The following FRAS1 variants were observed in gnomAD, a reference collection of about 807,000 sequenced individuals.
FRAS1 encodes extracellular matrix organizing protein FRAS1.
Under a neutral mutation model 435.2 loss-of-function variants are expected in FRAS1, and 290 were observed. The observed-to-expected ratio is 0.67, with a 90% CI of 0.61 to 0.73. The LOEUF (loss-of-function observed/expected upper bound fraction) is 0.73, where lower values mean the gene tolerates loss of function less well. FRAS1 is among the 30% of genes least tolerant of loss of function. The pLI is 0.00. For missense variants in FRAS1, 4,860 were observed against 5,001.5 expected (o/e 0.97, Z 0.85); for synonymous variants, 1,800 against 1,851.0 (o/e 0.97, Z 0.71).
At chr4:78,485,605 G>A (rs541882894) in intron 58 of FRAS1, among the ~76,000 whole-genome samples, 18 of 152,202 alleles carry the variant, frequency 1.2e-4, no homozygotes, top group African/African-American at 4.3e-4. Flanking sequence ...TAGTAATAAC[G>A]AACTTTTGTT....
chr4:78,114,580 C>T (rs1302985218), intron 2 of FRAS1, among the ~76,000 whole-genome samples: 1 of 152,086 alleles, frequency 6.6e-6, no homozygotes, highest in East Asian at 1.9e-4. Flanking sequence ...ATTTTATTCT[C>T]TCTGAAGCAA....
chr4:78,421,177 C>T (rs779827388), intron 33 of FRAS1, among the ~76,000 whole-genome samples: 3 of 151,918 alleles, frequency 2.0e-5, no homozygotes, highest in South Asian at 2.1e-4. Context: ...GATGGAGTTT[C>T]GCTCTTGTCA....
intron 69 of FRAS1, among the ~76,000 whole-genome samples, chr4:78,525,951 G>A (rs1438709135): frequency 6.6e-6 from 1 of 152,218 alleles, no homozygotes; most frequent in East Asian, 1.9e-4. Context: ...ATAAAGGGAT[G>A]AGGCTATGGA....
Position 78,058,048 on chromosome 4 carries a change from G to T in FRAS1, c.39G>T (p.Ala13=), listed in dbSNP as rs773457837. The part of the protein sequence containing the change: ...VLKVWLGLAL[A]LAEFAVLPHH... ...AAGTGTGGCTCGGGCTGGCCCTAGC[G>T]TTGGCGGAATTTGCAGTATTGCCTC... The change falls in exon 1 of 74, where the codon GCG becomes GCT. Residue 13 remains alanine, a synonymous_variant. Transcript: ENST00000512123. The T allele has an allele frequency of 6.2e-7, 1 of 1,613,974 alleles. No homozygotes were observed. The highest frequency in any genetic ancestry group is 8.5e-7 in the Non-Finnish European group (1 of 1,179,880).
chr4:78,058,103 C>CGTGTGTGTGT lies in FRAS1; in HGVS notation c.76+26_76+35dup, dbSNP rs71214392. The CGTGTGTGTGT allele has an allele frequency of 1.4e-5, 22 of 1,529,138 alleles. No individual in the cohort carries two copies. The African/African-American group carries it at 2.1e-4, about 14-fold the overall frequency. 94.7% of individuals were successfully genotyped at this position (1,529,138 alleles called of 1,614,324 possible). On this transcript the variant is annotated intron_variant, in intron 1 of 73. Coordinates refer to ENST00000512123, the MANE Select transcript of FRAS1 (RefSeq NM_025074.7). Reference sequence around the variant, plus strand: ...TTCCGAAGGTGAGAGAGCGGTGCCGCGTGTGTGTGTGTGTGTGCGTGTGCG... The same window carrying CGTGTGTGTGT: ...TTCCGAAGGTGAGAGAGCGGTGCCGCGTGTGTGTGTGTGTGTGTGTGTGTGTGCGTGTGCG...
At chr4:78,443,094 A>G (rs938566070) in intron 41 of FRAS1, among the ~76,000 whole-genome samples, 3 of 152,200 alleles carry the variant, frequency 2.0e-5, no homozygotes, top group Admixed American at 6.5e-5. Flanking sequence ...CAAGCCTGTC[A>G]TTTCAGCACT....
At chr4:78,372,646 T>G in intron 23 of FRAS1, 72 bp from the exon 24 acceptor site, 1 of 1,562,798 alleles carries the variant, frequency 6.4e-7, no homozygotes, top group Non-Finnish European at 8.7e-7. Context: ...GCAGACAGAG[T>G]CCTCATAAAT....
intron 2 of FRAS1, among the ~76,000 whole-genome samples, chr4:78,084,269 C>T (rs1578112393): frequency 1.3e-5 from 2 of 151,974 alleles, no homozygotes. Flanking sequence ...TATTATTAGT[C>T]TCTTACTGTA....
Position 78,374,167 on chromosome 4 carries a change from G to A in FRAS1, c.3067G>A (p.Gly1023Arg), listed in dbSNP as rs750370556. ...TCCCCATGAGTGTACCCGCTGCAAAGGGCCATTTCTCCTCTTGGAAGCCCA... is the reference window on the plus strand; with the variant it reads ...TCCCCATGAGTGTACCCGCTGCAAAAGGCCATTTCTCCTCTTGGAAGCCCA... ...QGPHECTRCK[G>R]PFLLLEAQCV... The change falls in exon 25 of 74, where the codon GGG (glycine) becomes AGG (arginine). Residue 1023 changes from glycine (G) to arginine (R), a missense_variant. By Grantham distance (125) the Gly-to-Arg change is moderately radical (BLOSUM62 -2). Coordinates refer to ENST00000512123, the MANE Select transcript of FRAS1 (RefSeq NM_025074.7). The A allele has an allele frequency of 2.5e-6, 4 of 1,606,302 alleles. No homozygotes were observed. The South Asian group carries it at 4.4e-5, about 18-fold the overall frequency.
At chr4:78,404,826 C>T (rs1008288126) in intron 30 of FRAS1, among the ~76,000 whole-genome samples, 1 of 152,166 alleles carries the variant, frequency 6.6e-6, no homozygotes, top group Non-Finnish European at 1.5e-5. Context: ...ACTGTTGTTA[C>T]CACTTTTATA....
At chr4:78,252,802 G>A (rs575159551) in intron 5 of FRAS1, among the ~76,000 whole-genome samples, 1 of 152,282 alleles carries the variant, frequency 6.6e-6, no homozygotes, top group Admixed American at 6.5e-5. Flanking sequence ...ATTTTAAAAG[G>A]AGAGGGGGTG....
At chr4:78,254,650 A>G (rs1187784356) in intron 5 of FRAS1, among the ~76,000 whole-genome samples, 1 of 152,180 alleles carries the variant, frequency 6.6e-6, no homozygotes, top group Non-Finnish European at 1.5e-5. Context: ...CTTTGGACGT[A>G]TATTTCCTGG....
At chr4:78,314,860 C>G (rs748727774) in intron 15 of FRAS1, among the ~76,000 whole-genome samples, 1 of 151,400 alleles carries the variant, frequency 6.6e-6, no homozygotes. Context: ...CTCTTACCCC[C>G]ACCCTCACAT....
chr4:78,076,310 A>G (rs2109867567), intron 2 of FRAS1, among the ~76,000 whole-genome samples: 1 of 152,294 alleles, frequency 6.6e-6, no homozygotes, highest in Admixed American at 6.5e-5. Context: ...ATTAATAGGC[A>G]TTAACCCACT....
chr4:78,268,242 G>A (rs779343163), intron 9 of FRAS1, among the ~76,000 whole-genome samples: 19 of 152,082 alleles, frequency 1.2e-4, no homozygotes, highest in Admixed American at 9.2e-4. Context: ...TTTCTTTCTA[G>A]TTCTTCTCCC....
At chr4:78,394,312 C>T (rs532848469) in intron 29 of FRAS1, among the ~76,000 whole-genome samples, 3 of 152,026 alleles carry the variant, frequency 2.0e-5, no homozygotes, top group South Asian at 4.1e-4. Context: ...GAGAATTTCC[C>T]CTATGTTTTC....
At chr4:78,489,410 T>C (rs1017703339) in intron 59 of FRAS1, among the ~76,000 whole-genome samples, 1 of 152,184 alleles carries the variant, frequency 6.6e-6, no homozygotes, top group African/African-American at 2.4e-5. Flanking sequence ...AAAATGTTAT[T>C]AAGAAGTGGA....
At chr4:78,468,338 A>G (rs1719598084) in intron 50 of FRAS1, among the ~76,000 whole-genome samples, 1 of 152,138 alleles carries the variant, frequency 6.6e-6, no homozygotes, top group African/African-American at 2.4e-5. Flanking sequence ...TCATGTACAA[A>G]CTGAATATAC....
intron 43 of FRAS1, 36 bp from the exon 44 acceptor site, chr4:78,448,017 T>A: frequency 1.3e-6 from 2 of 1,525,958 alleles, no homozygotes; most frequent in Non-Finnish European, 1.8e-6. Flanking sequence ...ATGTGTATTC[T>A]ACCATTGTTT....
Sources: allele counts gnomAD v4.1 joint callset (sites outside exome capture counted in the v4.1 genomes callset), GRCh38; gene constraint gnomAD v4.1.1; transcripts MANE v1.5; gene names NCBI Gene and HGNC (gene_info 2026-07-23, HGNC 2026-07-21).